FOXP1: variants seen among roughly 807,000 people sequenced by gnomAD.
The protein encoded by FOXP1 is forkhead box protein P1.
Under a neutral mutation model 98.2 loss-of-function variants are expected in FOXP1, and 15 were observed. The observed-to-expected ratio is 0.15, with a 90% CI of 0.10 to 0.24. The LOEUF (loss-of-function observed/expected upper bound fraction) is 0.24, where lower values mean the gene tolerates loss of function less well. Ranked by LOEUF, FOXP1 falls within the 10% of genes least tolerant of loss-of-function variation. FOXP1 has a pLI of 1.00. For missense variants in FOXP1, 633 were observed against 848.5 expected, an observed-to-expected ratio of 0.75 and a Z score of 3.15; for synonymous variants, 371 against 314.5, an observed-to-expected ratio of 1.18 and a Z score of -1.90.
intron 5 of FOXP1, among the ~76,000 whole-genome samples, chr3:71,256,271 C>T (rs962085327): frequency 3.9e-5 from 6 of 152,066 alleles, no homozygotes; most frequent in South Asian, 2.1e-4. Context: ...GAGGAAACTG[C>T]GCCTCTCTCC....
At chr3:71,142,236 C>T (rs1202942103) in intron 6 of FOXP1, among the ~76,000 whole-genome samples, 1 of 152,104 alleles carries the variant, frequency 6.6e-6, no homozygotes, top group Non-Finnish European at 1.5e-5. Context: ...TCAATGTGTA[C>T]CATTTTTAAG....
chr3:71,567,579 G>A (rs2047002206), intron 2 of FOXP1, among the ~76,000 whole-genome samples: 1 of 152,204 alleles, frequency 6.6e-6, no homozygotes, highest in South Asian at 2.1e-4. Flanking sequence ...GAAGCTGTTA[G>A]CTTTATTAGT....
chr3:71,234,468 C>T (rs561378015), intron 5 of FOXP1, among the ~76,000 whole-genome samples: 17 of 152,146 alleles, frequency 1.1e-4, no homozygotes, highest in Non-Finnish European at 2.2e-4. Context: ...TGGGGGGAGG[C>T]GAGGATGCTC....
intron 7 of FOXP1, among the ~76,000 whole-genome samples, chr3:71,101,520 A>C (rs183966422): frequency 5.9e-5 from 9 of 152,248 alleles, no homozygotes; most frequent in Admixed American, 5.2e-4. Context: ...TTTCCAAAAA[A>C]AACAAGTTAG....
At chr3:70,968,097 G>C (rs1336265258) in intron 19 of FOXP1, among the ~76,000 whole-genome samples, 2 of 152,138 alleles carry the variant, frequency 1.3e-5, no homozygotes, top group Non-Finnish European at 2.9e-5. Flanking sequence ...TTGGATCATA[G>C]AACATGGGCT....
At chr3:71,548,023 C>G (rs1040026462) in intron 2 of FOXP1, among the ~76,000 whole-genome samples, 7 of 152,278 alleles carry the variant, frequency 4.6e-5, no homozygotes, top group African/African-American at 1.4e-4. Context: ...AAGAAGTGAA[C>G]AGAGAGAGAG....
At chr3:71,501,053 G>T (rs991997312) in intron 2 of FOXP1, among the ~76,000 whole-genome samples, 1 of 152,044 alleles carries the variant, frequency 6.6e-6, no homozygotes, top group Non-Finnish European at 1.5e-5. Flanking sequence ...TTAGCCAGGT[G>T]GGGTGGCGGG....
At chr3:71,131,403 C>A (rs115941415) in intron 6 of FOXP1, among the ~76,000 whole-genome samples, 1,121 of 126,360 alleles carry the variant, frequency 8.9e-3, no homozygotes, top group Non-Finnish European at 0.011. Context: ...TATTCAATAA[C>A]AAAAAAAAAA....
chr3:71,519,642 T>C (rs1364209297), intron 2 of FOXP1, among the ~76,000 whole-genome samples: 2 of 152,224 alleles, frequency 1.3e-5, no homozygotes, highest in Admixed American at 6.5e-5. Flanking sequence ...TTTATTTCTA[T>C]TCCTTGCCCC....
intron 4 of FOXP1, among the ~76,000 whole-genome samples, chr3:71,313,706 T>C (rs2074871652): frequency 6.6e-6 from 1 of 151,630 alleles, no homozygotes. Context: ...TTTGTATTTT[T>C]AGTAGAGACG....
At chr3:71,227,681 T>C (rs954858539) in intron 5 of FOXP1, among the ~76,000 whole-genome samples, 7 of 151,470 alleles carry the variant, frequency 4.6e-5, no homozygotes, top group Non-Finnish European at 8.8e-5. Context: ...TACCATAGAT[T>C]AAAGATTTGT....
rs1410029453 is a variant in FOXP1 at position 71,557,040 on chromosome 3, A to G, written c.-298+24509T>C. Among the ~76,000 whole-genome samples the G allele has an allele frequency of 2.0e-5, 3 of 152,222 alleles. No homozygotes were observed. The East Asian group carries it at 5.8e-4, about 29-fold the overall frequency. ...AATGTTAAGTGAAAATGAGCAGGAA[A>G]CAAAACTGTTTAAGATCATTTGTAG... On this transcript the variant is annotated intron_variant, in intron 2 of 20. Coordinates refer to ENST00000649528, the MANE Select transcript of FOXP1 (RefSeq NM_001349338.3).
chr3:71,396,807 A>G (rs2081407235), intron 3 of FOXP1, among the ~76,000 whole-genome samples: 1 of 149,416 alleles, frequency 6.7e-6, no homozygotes, highest in South Asian at 2.1e-4. Context: ...CCACGAATAC[A>G]GCCCTGATTC....
At chr3:71,016,997 G>C (rs962132046) in intron 11 of FOXP1, among the ~76,000 whole-genome samples, 6 of 151,240 alleles carry the variant, frequency 4.0e-5, no homozygotes, top group Non-Finnish European at 5.9e-5. Context: ...ACAGAAAATA[G>C]GTCTTAGAAT....
intron 20 of FOXP1, among the ~76,000 whole-genome samples, chr3:70,964,021 T>A (rs559797595): frequency 6.6e-6 from 1 of 152,220 alleles, no homozygotes; most frequent in Non-Finnish European, 1.5e-5. Context: ...TAATGCATAT[T>A]GGACAAGAAT....
chr3:71,358,925 C>CA (rs748993552), intron 4 of FOXP1, among the ~76,000 whole-genome samples: 5 of 152,194 alleles, frequency 3.3e-5, no homozygotes, highest in Non-Finnish European at 7.4e-5. Flanking sequence ...TGCATTAGGT[C>CA]ACCTTCCCAC....
At chr3:71,241,426 G>C (rs921383706) in intron 5 of FOXP1, among the ~76,000 whole-genome samples, 2 of 152,090 alleles carry the variant, frequency 1.3e-5, no homozygotes, top group African/African-American at 4.8e-5. Context: ...TACTTTAACA[G>C]GGGGCCCTGT....
intron 3 of FOXP1, among the ~76,000 whole-genome samples, chr3:71,465,324 AAAGAAGAAGAAG>A (rs398052612): frequency 5.9e-5 from 4 of 67,658 alleles, no homozygotes; most frequent in South Asian, 8.0e-4. Flanking sequence ...AAAAAAAAAA[AAAGAAGAAGAAG>A]AAGAAGAAGA....
intron 3 of FOXP1, among the ~76,000 whole-genome samples, chr3:71,419,836 CAG>C (rs1284044699): frequency 1.3e-5 from 2 of 151,854 alleles, no homozygotes; most frequent in Admixed American, 6.6e-5. Context: ...TATTTTGAGA[CAG>C]AGTCTTGCTC....
Sources: gnomAD v4.1 joint callset for allele counts (sites outside exome capture counted in the v4.1 genomes callset) on GRCh38, gnomAD v4.1.1 for gene constraint, MANE v1.5 for transcripts, NCBI Gene and HGNC (gene_info 2026-07-23, HGNC 2026-07-21) for gene names.